The following ENTPD5 variants were observed in gnomAD, a reference collection of about 807,000 sequenced individuals.
ENTPD5 encodes the protein ectonucleoside triphosphate diphosphohydrolase 5 (inactive), also known as nucleoside diphosphate phosphatase ENTPD5.
A neutral mutation model predicts 60.2 loss-of-function variants in ENTPD5; 49 were observed. The ratio of observed to expected loss-of-function variants is 0.81; its 90% CI spans 0.65 to 1.03. The LOEUF is 1.03. Among genes scored for constraint, ENTPD5 ranks in the 50% least tolerant of loss-of-function variants. The pLI is 0.00. For synonymous variants in ENTPD5, 187 were observed against 185.4 expected (o/e 1.01, Z -0.07); for missense variants, 480 against 507.6 (o/e 0.95, Z 0.52).
intron 3 of ENTPD5, among the ~76,000 whole-genome samples, chr14:73,992,151 CCAAA>C (rs2058162425): frequency 6.6e-6 from 1 of 152,048 alleles, no homozygotes; most frequent in Admixed American, 6.6e-5. Flanking sequence ...GTACTTTGCA[CCAAA>C]CAGTTTTGGG....
intron 14 of ENTPD5, among the ~76,000 whole-genome samples, 182 bp from the exon 15 acceptor site, chr14:73,970,307 C>T (rs572654463): frequency 1.3e-5 from 2 of 152,200 alleles, no homozygotes; most frequent in African/African-American, 2.4e-5. Context: ...GCCTGGCCAA[C>T]GTGGTGAAAC....
At chr14:74,006,088 A>C (rs916621634) in intron 3 of ENTPD5, among the ~76,000 whole-genome samples, 1 of 152,074 alleles carries the variant, frequency 6.6e-6, no homozygotes, top group African/African-American at 2.4e-5. Context: ...TCCCAGGTTC[A>C]AGAGATTCTC....
At chr14:73,956,576 C>T (rs1379156396), downstream of ENTPD5, 1 of 152,754 alleles carries the variant, frequency 6.5e-6, no homozygotes, top group African/African-American at 2.4e-5. Flanking sequence ...AGTTGTATCT[C>T]ATTGTAGTAG....
chr14:74,010,705 C>T (rs76889147), intron 3 of ENTPD5, among the ~76,000 whole-genome samples: 2,839 of 152,278 alleles, frequency 0.019, 85 homozygotes, highest in African/African-American at 0.065. Flanking sequence ...AGTAGGTCTA[C>T]AGGACTGTTT....
chr14:74,018,027 C>CA (rs2059103077), intron 1 of ENTPD5, among the ~76,000 whole-genome samples: 1 of 151,700 alleles, frequency 6.6e-6, no homozygotes. Context: ...ACCAAAAATA[C>CA]AAAAATTAGC....
downstream of ENTPD5, chr14:73,955,812 A>G (rs778456329): frequency 6.2e-7 from 1 of 1,614,030 alleles, no homozygotes; most frequent in African/African-American, 1.3e-5. Flanking sequence ...CAGGTGTGGG[A>G]CGCCTGCTCA....
In ENTPD5 at chr14:73,963,332, T is replaced by G. The variant is rs1417676119; in HGVS notation, c.*3596A>C. On this transcript the variant is annotated 3_prime_UTR_variant, in exon 16 of 16. Transcript: ENST00000334696. The stretch of plus-strand genomic sequence containing the variant: ...AGAGAAAATTTACATTTTGTTTTTG[T>G]TTTAATGTTGGTCATAAATTTATAC... The G allele has an allele frequency of 2.3e-6, 1 of 440,426 alleles. No individual in the cohort carries two copies. The highest frequency in any genetic ancestry group is 2.0e-5 in the African/African-American group (1 of 49,890). The allele number at this position is 440,426 out of a possible 1,614,324, so 27.3% of individuals were successfully genotyped here.
intron 5 of ENTPD5, chr14:73,986,590 T>C (rs764355141): frequency 2.6e-5 from 14 of 539,328 alleles, no homozygotes; most frequent in African/African-American, 5.7e-5. Flanking sequence ...AAAGCTAGTG[T>C]CATCCTTGCA....
At chr14:73,958,967 G>T, downstream of ENTPD5, 1 of 1,613,672 alleles carries the variant, frequency 6.2e-7, no homozygotes, top group Non-Finnish European at 8.5e-7. Flanking sequence ...ATGTGTCCAT[G>T]CAGATAGGTG....
intron 3 of ENTPD5, among the ~76,000 whole-genome samples, chr14:73,990,321 C>T (rs2058078792): frequency 6.6e-6 from 1 of 152,004 alleles, no homozygotes; most frequent in African/African-American, 2.4e-5. Flanking sequence ...TCCGTTTCTC[C>T]CTCCCTCTTT....
intron 3 of ENTPD5, chr14:73,995,977 A>T: frequency 5.9e-6 from 1 of 168,428 alleles, no homozygotes; most frequent in Non-Finnish European, 1.2e-5. Context: ...GTCTCTTTAT[A>T]CCTGGAGTAG....
chr14:73,988,926 T>G (rs1035793172), intron 3 of ENTPD5, among the ~76,000 whole-genome samples: 1 of 152,114 alleles, frequency 6.6e-6, no homozygotes, highest in Non-Finnish European at 1.5e-5. Flanking sequence ...CGGGTTCATG[T>G]GATTCTCCTG....
At chr14:74,004,963 G>A (rs569608443) in intron 3 of ENTPD5, among the ~76,000 whole-genome samples, 37 of 152,038 alleles carry the variant, frequency 2.4e-4, no homozygotes, top group Non-Finnish European at 4.6e-4. Flanking sequence ...GTAATATTTT[G>A]TGGGGTTTTT....
chr14:73,974,885 C>T, intron 11 of ENTPD5, 39 bp downstream of exon 11: 1 of 1,538,382 alleles, frequency 6.5e-7, no homozygotes, highest in South Asian at 1.1e-5. Context: ...ATCTGTGTCA[C>T]CCTCACCATC....
intron 5 of ENTPD5, 33 bp from the exon 6 acceptor site, chr14:73,983,194 C>T (rs773289079): frequency 5.7e-6 from 9 of 1,590,370 alleles, no homozygotes; most frequent in African/African-American, 2.7e-5. Context: ...ATCTGATGAA[C>T]GATCCATTTA....
At chr14:74,007,980 G>A (rs2058733092) in intron 3 of ENTPD5, among the ~76,000 whole-genome samples, 4 of 151,522 alleles carry the variant, frequency 2.6e-5, no homozygotes, top group South Asian at 4.2e-4. Flanking sequence ...ATAGGCACCC[G>A]CCACCATGCT....
Position 74,016,222 on chromosome 14 carries a change from T to G in ENTPD5, c.-237-292A>C, listed in dbSNP as rs148348500. On this transcript the variant is annotated intron_variant, in intron 1 of 15. Transcript: ENST00000334696. ...GAAAATGAGGGGATTCAGAAGAATG[T>G]AGACTCTATATCCACCTCTACCAGA... Among the ~76,000 whole-genome samples, 294 of 152,356 alleles carry G rather than the reference T, an allele frequency of 1.9e-3. 2 individuals are homozygous for G. Among genetic ancestry groups the G allele is most frequent in the African/African-American group, 6.8e-3 (283 of 41,580 alleles).
At chr14:73,990,930 G>GA (rs2058102182) in intron 3 of ENTPD5, among the ~76,000 whole-genome samples, 1 of 152,058 alleles carries the variant, frequency 6.6e-6, no homozygotes, top group African/African-American at 2.4e-5. Context: ...TCAGGAGGTT[G>GA]AGACAGGAGA....
intron 2 of ENTPD5, among the ~76,000 whole-genome samples, chr14:74,011,627 T>C (rs1343439314): frequency 1.3e-5 from 2 of 152,072 alleles, no homozygotes; most frequent in African/African-American, 2.4e-5. Context: ...CGAAACTCCA[T>C]CTCTACAAAA....
Sources: gnomAD v4.1 joint callset for allele counts (sites outside exome capture counted in the v4.1 genomes callset) on GRCh38, gnomAD v4.1.1 for gene constraint, MANE v1.5 for transcripts, NCBI Gene and HGNC (gene_info 2026-07-23, HGNC 2026-07-21) for gene names.